Variants in ABCG4 observed in about 807,000 individuals in gnomAD.
ABCG4 encodes ATP binding cassette subfamily G member 4, also known as ATP-binding cassette sub-family G member 4.
Under a neutral mutation model 64.6 loss-of-function variants are expected in ABCG4, and 35 were observed. The observed-to-expected ratio is 0.54, with a 90% CI of 0.41 to 0.72. ABCG4 has a LOEUF of 0.72. Among genes scored for constraint, ABCG4 ranks in the 30% least tolerant of loss-of-function variants. The pLI is 0.00. For synonymous variants in ABCG4, 326 were observed against 348.2 expected (o/e 0.94, Z 0.71); for missense variants, 610 against 846.3 (o/e 0.72, Z 3.46).
In ABCG4 at chr11:119,150,111, G is replaced by A. The variant is rs746909495; in HGVS notation, c.146G>A (p.Arg49His). 4.3e-6 allele frequency: 7 copies of A among 1,614,026 alleles called. No individual in the cohort carries two copies. The highest frequency in any genetic ancestry group is 5.9e-6 in the Non-Finnish European group (7 of 1,180,024). Residue 49 changes from arginine (R) to histidine (H), a missense_variant, in exon 2 of 15, where the codon CGC (arginine) becomes CAC (histidine). By Grantham distance (29) the Arg-to-His change is conservative (BLOSUM62 0). Transcript: ENST00000619701. This position sits in a 1 kb window ranked among gnomAD's most constrained non-coding sequence, Gnocchi z 4.3. ...GAGAACCACATCACTGAAGCCCAGC[G>A]CTTCTCCCACCTACCCAAGCGCTCA... The part of the protein sequence containing the change: ...KVENHITEAQ[R>H]FSHLPKRSAV...
intron 2 of ABCG4, among the ~76,000 whole-genome samples, chr11:119,152,031 A>G (rs1004352011): frequency 2.0e-5 from 3 of 152,250 alleles, no homozygotes; most frequent in African/African-American, 7.2e-5. Context: ...TCAGTGTTCA[A>G]CCAGCTACTG....
At position 119,156,757 on chromosome 11, in the gene ABCG4, C is replaced by G. The variant is rs1948271191; in HGVS notation, c.925+79C>G. On this transcript the variant is annotated intron_variant, in intron 8 of 14. Coordinates refer to ENST00000619701, the MANE Select transcript of ABCG4 (RefSeq NM_022169.5). This position sits in a 1 kb window ranked among gnomAD's most constrained non-coding sequence, Gnocchi z 5.5. ...GGTCTCTGGTCTTGCACTCAGGCCTCCTAGGGGTAGAGATCTCACCGTCGC... is the reference window on the plus strand; with the variant it reads ...GGTCTCTGGTCTTGCACTCAGGCCTGCTAGGGGTAGAGATCTCACCGTCGC... The G allele has an allele frequency of 6.3e-7, 1 of 1,593,652 alleles. No individual in the cohort carries two copies. Among genetic ancestry groups the G allele is most frequent in the African/African-American group, 1.3e-5 (1 of 74,514 alleles).
At position 119,149,883 on chromosome 11, in the gene ABCG4, A is replaced by G. The variant is rs759452228; in HGVS notation, c.-12-71A>G. ...GGTGGGCAGTGGGGGCGGGGGAAGC[A>G]TTAGAACGCCAGGGAGCTTTGAGCC... On this transcript the variant is annotated intron_variant, in intron 1 of 14. Transcript: ENST00000619701. The surrounding 1 kb of genome is among the most constrained non-coding windows in gnomAD (Gnocchi z 8.3). 91 of 1,520,576 alleles carry G rather than the reference A, an allele frequency of 6.0e-5. No individual in the cohort carries two copies. Among genetic ancestry groups the G allele is most frequent in the Non-Finnish European group, 7.8e-5 (89 of 1,139,402 alleles). 94.2% of individuals were successfully genotyped at this position (1,520,576 alleles called of 1,614,324 possible).
chr11:119,153,913 C>T, intron 2 of ABCG4, 113 bp from the exon 3 acceptor site: 2 of 889,318 alleles, frequency 2.2e-6, no homozygotes, highest in Non-Finnish European at 3.7e-6. Flanking sequence ...CTAACCCAAT[C>T]ACACTGAGTA....
At chr11:119,157,120 A>C in intron 9 of ABCG4, 106 bp downstream of exon 9, 2 of 1,446,994 alleles carry the variant, frequency 1.4e-6, no homozygotes, top group Non-Finnish European at 1.8e-6. Context: ...ATTGCAACCA[A>C]TGGGTGCTAG....
At position 119,149,569 on chromosome 11, in the gene ABCG4, C is replaced by G. The variant is rs1187038277; in HGVS notation, c.-13+206C>G. On this transcript the variant is annotated intron_variant, in intron 1 of 14. Coordinates refer to ENST00000619701, the MANE Select transcript of ABCG4 (RefSeq NM_022169.5). The surrounding 1 kb of genome is among the most constrained non-coding windows in gnomAD (Gnocchi z 8.3). Reference sequence around the variant, plus strand: ...CTGAAGCCTCCTCCTCTCCGCCTTCCCCTGGTCCGCCCTGCACTCACCCTG... The same window carrying G: ...CTGAAGCCTCCTCCTCTCCGCCTTCGCCTGGTCCGCCCTGCACTCACCCTG... 3 of 172,972 alleles carry G rather than the reference C, an allele frequency of 1.7e-5. No individual in the cohort carries two copies. Among genetic ancestry groups the G allele is most frequent in the Non-Finnish European group, 3.7e-5 (3 of 81,452 alleles). 10.7% of individuals were successfully genotyped at this position (172,972 alleles called of 1,614,324 possible). A position where few individuals can be genotyped will look rare whatever the true frequency, so the allele number is the denominator to read the frequency against.
chr11:119,157,368 G>A (rs566111829), intron 9 of ABCG4, among the ~76,000 whole-genome samples: 25 of 152,328 alleles, frequency 1.6e-4, no homozygotes, highest in African/African-American at 6.0e-4. Context: ...TAGAGATGAT[G>A]ATACTCACCT....
At chr11:119,153,119 CTG>C (rs1324660729) in intron 2 of ABCG4, 1 of 152,388 alleles carries the variant, frequency 6.6e-6, no homozygotes, top group Admixed American at 6.5e-5. Flanking sequence ...GTGCCAAGCA[CTG>C]TGTCATGTGT....
Position 119,156,404 on chromosome 11 carries a change from C to T in ABCG4, c.762C>T (p.Ile254=), listed in dbSNP as rs2135124063. Residue 254 remains isoleucine, a synonymous_variant, in exon 7 of 15, where the codon ATC becomes ATT. Coordinates refer to ENST00000619701, the MANE Select transcript of ABCG4 (RefSeq NM_022169.5). This position sits in a 1 kb window ranked among gnomAD's most constrained non-coding sequence, Gnocchi z 5.5. ...TGGCACAGGGGGGCCGTACCATCATCTGCACCATCCACCAGCCCAGTGCCA... is the reference window on the plus strand; with the variant it reads ...TGGCACAGGGGGGCCGTACCATCATTTGCACCATCCACCAGCCCAGTGCCA... ...KSLAQGGRTI[I]CTIHQPSAKL... 3 of 1,614,226 alleles carry T rather than the reference C, an allele frequency of 1.9e-6. No individual in the cohort carries two copies. Among genetic ancestry groups the T allele is most frequent in the East Asian group, 2.2e-5 (1 of 44,872 alleles).
At position 119,154,572 on chromosome 11, in the gene ABCG4, G is replaced by T; in HGVS notation, c.537G>T (p.Glu179Asp). The T allele has an allele frequency of 6.2e-7, 1 of 1,613,368 alleles. No individual in the cohort carries two copies. The highest frequency in any genetic ancestry group is 8.5e-7 in the Non-Finnish European group (1 of 1,179,758). ...GTGAGAAGCAGGAGGTGAAGAAGGAGCTGGTGAGTGGGGAAGGGAGGCAGT... is the reference window on the plus strand; with the variant it reads ...GTGAGAAGCAGGAGGTGAAGAAGGATCTGGTGAGTGGGGAAGGGAGGCAGT... ...KLSEKQEVKKELVTEILTALG... is the reference protein window; with the variant it reads ...KLSEKQEVKKDLVTEILTALG... The change falls in exon 5 of 15, where the codon GAG becomes GAT. Residue 179 changes from glutamate (E) to aspartate (D), a missense_variant. Coordinates refer to ENST00000619701, the MANE Select transcript of ABCG4 (RefSeq NM_022169.5). The surrounding 1 kb of genome is among the most constrained non-coding windows in gnomAD (Gnocchi z 7.0).
rs1222762824 is a variant in ABCG4, at chr11:119,162,415, A to G, written c.*1309A>G. The G allele has an allele frequency of 6.6e-6, 1 of 152,614 alleles. No individual in the cohort carries two copies. The highest frequency in any genetic ancestry group is 1.5e-5 in the Non-Finnish European group (1 of 68,068). The allele number at this position is 152,614 out of a possible 1,614,324, so 9.5% of individuals were successfully genotyped here. The stretch of plus-strand genomic sequence containing the variant: ...CAGCAGGTGGCCCCTGGGCATCAGA[A>G]CAGCCTGCCCTGGGCACCAGGTGGC... On this transcript the variant is annotated 3_prime_UTR_variant, in exon 15 of 15. Transcript: ENST00000619701.
intron 9 of ABCG4, 128 bp downstream of exon 9, chr11:119,157,142 G>A: frequency 7.6e-7 from 1 of 1,314,640 alleles, no homozygotes; most frequent in Non-Finnish European, 1.0e-6. Context: ...AAGAACCTAG[G>A]ACTTGGAATC....
In ABCG4 at chr11:119,158,910, T is replaced by C. The variant is rs1948307415; in HGVS notation, c.1418T>C (p.Met473Thr). The stretch of plus-strand genomic sequence containing the variant: ...AAAGCGTATTACCTGGCCAAGACCA[T>C]GGCTGACGTGCCCTTTCAGGTGGGC... ...SLKAYYLAKT[M>T]ADVPFQVVCP... Residue 473 changes from methionine to threonine, a missense_variant, in exon 12 of 15, where the codon ATG becomes ACG. By Grantham distance (81) the Met-to-Thr change is moderately conservative (BLOSUM62 -1). Transcript: ENST00000619701. The surrounding 1 kb of genome is among the most constrained non-coding windows in gnomAD (Gnocchi z 4.5). 1 of 1,614,108 alleles carries C rather than the reference T, an allele frequency of 6.2e-7. No homozygotes were observed.
In ABCG4 at chr11:119,150,944, T is replaced by C. The variant is rs996704916; in HGVS notation, c.238+741T>C. Among the ~76,000 whole-genome samples the C allele has an allele frequency of 2.0e-5, 3 of 152,336 alleles. No homozygotes were observed. The highest frequency in any genetic ancestry group is 2.0e-4 in the Admixed American group (3 of 15,304). On this transcript the variant is annotated intron_variant, in intron 2 of 14. Coordinates refer to ENST00000619701, the MANE Select transcript of ABCG4 (RefSeq NM_022169.5). This position sits in a 1 kb window ranked among gnomAD's most constrained non-coding sequence, Gnocchi z 4.3. ...TGCTAGTAGGGAAGCTGAGGCTGTT[T>C]CCCAGAGCCTGGGTGTGGGCCAGGG... is the stretch of plus-strand genomic sequence containing the variant.
In ABCG4 at chr11:119,160,848, G is replaced by A. The variant is rs889417934; in HGVS notation, c.1716-33G>A. ...TTCTCAGAGAGCAGGGACCCTGTGTGCTGTATCCCATCTGATATCCCTGCC... is the reference window on the plus strand; with the variant it reads ...TTCTCAGAGAGCAGGGACCCTGTGTACTGTATCCCATCTGATATCCCTGCC... On this transcript the variant is annotated intron_variant, in intron 14 of 14. Transcript: ENST00000619701. The surrounding 1 kb of genome is among the most constrained non-coding windows in gnomAD (Gnocchi z 4.6). The A allele has an allele frequency of 1.3e-6, 2 of 1,599,218 alleles. No homozygotes were observed. The highest frequency in any genetic ancestry group is 1.3e-5 in the African/African-American group (1 of 74,726).
At chr11:119,159,832 CTG>C (rs1015235372) in intron 12 of ABCG4, among the ~76,000 whole-genome samples, 5 of 152,058 alleles carry the variant, frequency 3.3e-5, no homozygotes, top group African/African-American at 1.2e-4. Context: ...CAGTGGATGA[CTG>C]TACTTAGTAA....
chr11:119,162,157 T>G lies in ABCG4; in HGVS notation c.*1051T>G, dbSNP rs1450661177. The G allele has an allele frequency of 6.5e-6, 1 of 152,862 alleles. No individual in the cohort carries two copies. Among genetic ancestry groups the G allele is most frequent in the African/African-American group, 2.4e-5 (1 of 41,440 alleles). 9.5% of individuals were successfully genotyped at this position (152,862 alleles called of 1,614,324 possible). A position where few individuals can be genotyped will look rare whatever the true frequency, so the allele number is the denominator to read the frequency against. ...TGCTGCCCAGGGTGTCTACAGGAAC[T>G]GCAGGTGTCTACCCCCAAGTCTTCC... On this transcript the variant is annotated 3_prime_UTR_variant, in exon 15 of 15. Transcript: ENST00000619701.
intron 2 of ABCG4, chr11:119,153,482 C>T (rs1421801855): frequency 1.3e-5 from 2 of 154,242 alleles, no homozygotes; most frequent in Non-Finnish European, 2.9e-5. Flanking sequence ...ACTTACTGAA[C>T]ATCTACTACA....
rs1948306677 is a variant in ABCG4, at chr11:119,158,858, G to A, written c.1366G>A (p.Glu456Lys). 1.2e-6 allele frequency: 2 copies of A among 1,614,176 alleles called. No individual in the cohort carries two copies. The highest frequency in any genetic ancestry group is 1.7e-6 in the Non-Finnish European group (2 of 1,180,022). Residue 456 changes from glutamate (E) to lysine (K), a missense_variant, in exon 12 of 15, where the codon GAG becomes AAG. Glu to Lys is a moderately conservative substitution (Grantham distance 56). Coordinates refer to ENST00000619701, the MANE Select transcript of ABCG4 (RefSeq NM_022169.5). The surrounding 1 kb of genome is among the most constrained non-coding windows in gnomAD (Gnocchi z 4.5). ...CTTAGAGATGGCGGTCTTCATGAGG[G>A]AGCACCTCAACTACTGGTACAGCCT... ...FPLEMAVFMR[E>K]HLNYWYSLKA...
Sources: allele counts gnomAD v4.1 joint callset (sites outside exome capture counted in the v4.1 genomes callset), GRCh38; gene constraint gnomAD v4.1.1; non-coding constraint Gnocchi (gnomAD v3.1); transcripts MANE v1.5; gene names NCBI Gene and HGNC (gene_info 2026-07-23, HGNC 2026-07-21).